The following STAU1 variants were observed in gnomAD, a reference collection of about 807,000 sequenced individuals.
The protein encoded by STAU1 is double-stranded RNA-binding protein Staufen homolog 1.
STAU1 carries 13 observed loss-of-function variants against 62.9 expected under a neutral mutation model. The ratio of observed to expected loss-of-function variants is 0.21; its 90% CI spans 0.13 to 0.33. STAU1 has a LOEUF of 0.33. Among genes scored for constraint, STAU1 ranks in the 10% least tolerant of loss-of-function variants. The pLI is 1.00. For missense variants in STAU1, 571 were observed against 712.1 expected, an observed-to-expected ratio of 0.80 and a Z score of 2.25; for synonymous variants, 269 against 265.1, an observed-to-expected ratio of 1.01 and a Z score of -0.14.
chr20:49,195,904 A>AAAAAAAGAAAAAAAAG, the STAU1 span, among the ~76,000 whole-genome samples: 36 of 95,276 alleles, frequency 3.8e-4, no homozygotes, highest in African/African-American at 9.7e-4. Flanking sequence ...CTCTCAAAAA[A>AAAAAAAGAAAAAAAAG]AAAAAAAAAA....
chr20:49,132,741 A>G (rs1443484681), intron 6 of STAU1, among the ~76,000 whole-genome samples: 1 of 149,826 alleles, frequency 6.7e-6, no homozygotes, highest in Non-Finnish European at 1.5e-5. Context: ...CCTGCGCAAC[A>G]AGAGCAAAAC....
intron 6 of STAU1, among the ~76,000 whole-genome samples, chr20:49,126,528 A>G (rs2092616952): frequency 6.9e-6 from 1 of 145,718 alleles, no homozygotes; most frequent in East Asian, 2.0e-4. Context: ...TGATCACACA[A>G]CTGCACCCCA....
intron 1 of STAU1, among the ~76,000 whole-genome samples, chr20:49,184,690 G>A (rs1568947747): frequency 2.0e-5 from 3 of 152,128 alleles, no homozygotes; most frequent in Non-Finnish European, 4.4e-5. Flanking sequence ...AAAGTTTTAC[G>A]TTAAGCTTAA....
At chr20:49,205,429 G>A in the STAU1 span, among the ~76,000 whole-genome samples, 14 of 137,234 alleles carry the variant, frequency 1.0e-4, no homozygotes, top group Admixed American at 8.1e-4. Context: ...GCAGCGGCAC[G>A]ATCTCGGCTC....
intron 1 of STAU1, among the ~76,000 whole-genome samples, chr20:49,177,431 C>A (rs1013628366): frequency 1.3e-5 from 2 of 152,098 alleles, no homozygotes; most frequent in African/African-American, 4.8e-5. Flanking sequence ...ATAATCCCAG[C>A]ACTTTGGGAG....
At chr20:49,143,843 G>A (rs919094533) in intron 5 of STAU1, among the ~76,000 whole-genome samples, 13 of 152,184 alleles carry the variant, frequency 8.5e-5, no homozygotes, top group African/African-American at 3.1e-4. Flanking sequence ...TAATTTGGAA[G>A]GCATATATAC....
the STAU1 span, among the ~76,000 whole-genome samples, chr20:49,193,440 A>G: frequency 1.8e-4 from 28 of 152,326 alleles, no homozygotes; most frequent in Admixed American, 1.6e-3. Context: ...TGGGAGGCCA[A>G]TGCCAGGGGA....
At chr20:49,137,387 C>T (rs958789759) in intron 5 of STAU1, among the ~76,000 whole-genome samples, 6 of 152,220 alleles carry the variant, frequency 3.9e-5, no homozygotes, top group Admixed American at 1.3e-4. Flanking sequence ...CTTACTTCTG[C>T]GTGCTGATAA....
chr20:49,187,857 C>T (rs2093809991), intron 1 of STAU1, among the ~76,000 whole-genome samples: 1 of 146,736 alleles, frequency 6.8e-6, no homozygotes, highest in East Asian at 2.2e-4. Flanking sequence ...GGAAAGGCGG[C>T]CGCAGCACCT....
At chr20:49,146,071 A>T (rs2093124850) in intron 5 of STAU1, among the ~76,000 whole-genome samples, 1 of 152,020 alleles carries the variant, frequency 6.6e-6, no homozygotes, top group Non-Finnish European at 1.5e-5. Context: ...GGAGTTCGAC[A>T]CCAGCCTGGG....
intron 2 of STAU1, among the ~76,000 whole-genome samples, chr20:49,170,595 C>T (rs905699533): frequency 2.0e-5 from 3 of 152,062 alleles, no homozygotes; most frequent in Admixed American, 6.6e-5. Context: ...TCAAGTGATC[C>T]GCCTGTCTTG....
Position 49,117,298 on chromosome 20 carries a change from T to C in STAU1, c.1510-50A>G. ...CTAGGTAGGGAACAGCAAGTATGAG[T>C]GGGCTGGAGGGCTGCAGCTCCAGGC... On this transcript the variant is annotated intron_variant, in intron 11 of 13. Transcript: ENST00000371856. The surrounding 1 kb of genome is among the most constrained non-coding windows in gnomAD (Gnocchi z 4.6). 1.2e-6 allele frequency: 2 copies of C among 1,606,014 alleles called. No individual in the cohort carries two copies. Among genetic ancestry groups the C allele is most frequent in the Non-Finnish European group, 8.5e-7 (1 of 1,175,112 alleles).
At chr20:49,164,708 A>G (rs2093499610) in intron 3 of STAU1, among the ~76,000 whole-genome samples, 1 of 152,152 alleles carries the variant, frequency 6.6e-6, no homozygotes, top group Admixed American at 6.6e-5. Context: ...TTGATGCTGC[A>G]GTGAACCATA....
At chr20:49,213,503 C>T in the STAU1 span, among the ~76,000 whole-genome samples, 1 of 152,200 alleles carries the variant, frequency 6.6e-6, no homozygotes, top group Non-Finnish European at 1.5e-5. Flanking sequence ...GCTGAGATTA[C>T]AGGCGTGAGC....
At chr20:49,118,847 C>A (rs2092395625) in intron 9 of STAU1, among the ~76,000 whole-genome samples, 1 of 152,192 alleles carries the variant, frequency 6.6e-6, no homozygotes. Context: ...AAAATTAACA[C>A]CCTTACGGGG....
chr20:49,124,617 C>A, intron 6 of STAU1, 30 bp from the exon 7 acceptor site: 1 of 1,609,830 alleles, frequency 6.2e-7, no homozygotes, highest in Non-Finnish European at 8.5e-7. Context: ...TGAGTGAAAG[C>A]GGACAGACAC....
At chr20:49,137,048 CCAGTACT>C (rs1169582375) in intron 5 of STAU1, among the ~76,000 whole-genome samples, 1 of 152,044 alleles carries the variant, frequency 6.6e-6, no homozygotes, top group African/African-American at 2.4e-5. Context: ...GACTATTGCC[CCAGTACT>C]CAGCAAGGTG....
chr20:49,141,385 T>C (rs2093004145), intron 5 of STAU1, among the ~76,000 whole-genome samples: 1 of 152,082 alleles, frequency 6.6e-6, no homozygotes, highest in African/African-American at 2.4e-5. Context: ...AGTCAGGAGT[T>C]CAAGATCAGT....
intron 3 of STAU1, among the ~76,000 whole-genome samples, chr20:49,161,516 A>T (rs1172955443): frequency 1.3e-5 from 2 of 152,162 alleles, no homozygotes; most frequent in Non-Finnish European, 2.9e-5. Context: ...AATAGAGAAC[A>T]TTCCAGGTGG....
Sources: gnomAD v4.1 joint callset for allele counts (sites outside exome capture counted in the v4.1 genomes callset) on GRCh38, gnomAD v4.1.1 for gene constraint, Gnocchi (gnomAD v3.1) non-coding constraint, MANE v1.5 for transcripts, NCBI Gene and HGNC (gene_info 2026-07-23, HGNC 2026-07-21) for gene names.